PIEZO1: variants seen among roughly 807,000 people sequenced by gnomAD.
The protein encoded by PIEZO1 is piezo type mechanosensitive ion channel component 1 (Er blood group).
Under a neutral mutation model 297.2 loss-of-function variants are expected in PIEZO1, and 296 were observed. The observed-to-expected ratio is 1.00, with a 90% confidence interval of 0.91 to 1.10. The LOEUF (loss-of-function observed/expected upper bound fraction) is 1.10, where lower values mean the gene tolerates loss of function less well. PIEZO1 is among the 50% of genes least tolerant of loss of function. PIEZO1 has a pLI of 0.00. For missense variants in PIEZO1, 5,018 were observed against 3,455.5 expected (o/e 1.45, Z -11.34); for synonymous variants, 2,427 against 1,507.5 (o/e 1.61, Z -14.13).
intron 21 of PIEZO1, 47 bp from the exon 22 acceptor site, chr16:88,731,957 G>GAGGGC (rs151293846): frequency 5.2e-4 from 51 of 98,674 alleles, no homozygotes; most frequent in South Asian, 7.7e-4. Flanking sequence ...GAGTCTGGGG[G>GAGGGC]GAGGGACTTT....
intron 1 of PIEZO1, among the ~76,000 whole-genome samples, chr16:88,751,951 G>A (rs1215549167): frequency 5.3e-5 from 8 of 152,226 alleles, no homozygotes; most frequent in East Asian, 1.9e-4. Flanking sequence ...TTCGAAGCCC[G>A]TGGCAGGGCA....
intron 1 of PIEZO1, among the ~76,000 whole-genome samples, chr16:88,761,749 C>T (rs1409125502): frequency 6.6e-6 from 1 of 151,708 alleles, no homozygotes; most frequent in Non-Finnish European, 1.5e-5. Context: ...TCCCCACTGC[C>T]CTCCGCACCT....
intron 10 of PIEZO1, 30 bp from the exon 11 acceptor site, chr16:88,736,769 C>A: frequency 7.1e-7 from 1 of 1,398,748 alleles, no homozygotes; most frequent in Admixed American, 2.2e-5. Context: ...TCAGCTTCGG[C>A]AGGTTGATCT....
intron 6 of PIEZO1, 53 bp downstream of exon 6, chr16:88,738,514 AC>A (rs1306886791): frequency 2.0e-5 from 29 of 1,445,692 alleles, no homozygotes; most frequent in Non-Finnish European, 2.4e-5. Flanking sequence ...TCATCAGGGA[AC>A]TCCCAAGACC....
intron 1 of PIEZO1, among the ~76,000 whole-genome samples, chr16:88,751,926 T>C (rs1906410567): frequency 6.6e-6 from 1 of 152,074 alleles, no homozygotes; most frequent in South Asian, 2.1e-4. Context: ...GCTCAACAAG[T>C]GCACCAGGGT....
chr16:88,738,974 C>G (rs1284054327), intron 5 of PIEZO1: 1 of 577,540 alleles, frequency 1.7e-6, no homozygotes, highest in Non-Finnish European at 3.1e-6. Context: ...CAGCTCCCAC[C>G]CTGGCCGAAG....
In PIEZO1 at chr16:88,736,343, C is replaced by T; in HGVS notation, c.1362G>A (p.Trp454Ter). The T allele has an allele frequency of 6.5e-7, 1 of 1,550,122 alleles. No homozygotes were observed. Among genetic ancestry groups the T allele is most frequent in the Non-Finnish European group, 8.7e-7 (1 of 1,146,846 alleles). ...CCAGTTGGTGGCGGCTGCGCACCGT[C>T]CAGATGAGGCAGGCCCAGAGCAGCA... ...FVLLLWACLI[W>*]TVRSRHQLAM... Residue 454 changes from tryptophan (W) to a stop codon, truncating the protein, a stop_gained, in exon 12 of 51, where the codon TGG (tryptophan) becomes TGA (stop). Transcript: ENST00000301015. LOFTEE classifies it high-confidence loss of function.
In PIEZO1 at chr16:88,716,729, C is replaced by T. The variant is rs1392468668; in HGVS notation, c.6756G>A (p.Leu2252=). 6.5e-7 allele frequency: 1 copy of T among 1,548,034 alleles called. No homozygotes were observed. The highest frequency in any genetic ancestry group is 1.2e-5 in the South Asian group (1 of 84,054). The change falls in exon 47 of 51, where the codon CTG becomes CTA. Residue 2252 remains leucine (L), a splice_region_variant and synonymous_variant. Coordinates refer to ENST00000301015, the MANE Select transcript of PIEZO1 (RefSeq NM_001142864.4). ...TGTACTGGCTGATGAACTGCATGGCCAGCTGGGTACAAGTGACACCCTCAG... is the reference window on the plus strand; with the variant it reads ...TGTACTGGCTGATGAACTGCATGGCTAGCTGGGTACAAGTGACACCCTCAG... The part of the protein sequence containing the change: ...ELSRQFDPQP[L]AMQFISQYSP...
At position 88,717,193 on chromosome 16, in the gene PIEZO1, C is replaced by T. The variant is rs777580743; in HGVS notation, c.6490G>A (p.Gly2164Arg). The T allele has an allele frequency of 1.1e-4, 163 of 1,549,760 alleles. 5 individuals are homozygous for T. In the South Asian group the frequency reaches 1.9e-3, roughly 18 times the overall value. ...TTGACGATCTTCTTCTTCTTCTGCC[C>T]TTTGGGCTGCGGGTATTTCTGGAGG... ...ETEKKYPQPK[G>R]QKKKKIVKYG... The change falls in exon 45 of 51, where the codon GGG becomes AGG. Residue 2164 changes from glycine (G) to arginine (R), a missense_variant. Transcript: ENST00000301015.
intron 5 of PIEZO1, 185 bp downstream of exon 5, chr16:88,741,293 T>A (rs1041759245): frequency 1.7e-5 from 10 of 573,598 alleles, no homozygotes; most frequent in Non-Finnish European, 2.8e-5. Flanking sequence ...TAGAAACAGG[T>A]CTGAACGGAT....
At chr16:88,744,619 C>G (rs1385127510) in intron 2 of PIEZO1, among the ~76,000 whole-genome samples, 1 of 150,494 alleles carries the variant, frequency 6.6e-6, no homozygotes, top group Non-Finnish European at 1.5e-5. Flanking sequence ...GGCTACATCT[C>G]GGATGTCACT....
In PIEZO1 at chr16:88,721,550, G is replaced by T; in HGVS notation, c.5391C>A (p.Arg1797=). Reference sequence around the variant, plus strand: ...GGCTCACACTCACCAGCAGCTGGGAGCGGTGGAAGAAAAGGGCCATGAGCT... The same window carrying T: ...GGCTCACACTCACCAGCAGCTGGGATCGGTGGAAGAAAAGGGCCATGAGCT... ...LVQLMALFFH[R]SQLLCYGLWD... Residue 1797 remains arginine (R), a synonymous_variant, in exon 38 of 51, where the codon CGC becomes CGA. Transcript: ENST00000301015. 2 of 1,549,542 alleles carry T rather than the reference G, an allele frequency of 1.3e-6. No individual in the cohort carries two copies. Among genetic ancestry groups the T allele is most frequent in the Non-Finnish European group, 1.7e-6 (2 of 1,146,376 alleles).
chr16:88,772,162 G>A (rs1382490404), intron 1 of PIEZO1, among the ~76,000 whole-genome samples: 7 of 152,144 alleles, frequency 4.6e-5, no homozygotes, highest in Admixed American at 3.9e-4. Flanking sequence ...CTGAGACTCT[G>A]GGCATGGCTG....
Position 88,721,688 on chromosome 16 carries a change from G to C in PIEZO1, c.5253C>G (p.Phe1751Leu). ...GCACCACGTGGCTGTTCCAGGGGAA[G>C]AACCCAAACTGGAACAGGTACTTGA... ...VVVKYLFQFG[F>L]FPWNSHVVLR... The change falls in exon 38 of 51, where the codon TTC (phenylalanine) becomes TTG (leucine). Residue 1751 changes from phenylalanine (F) to leucine (L), a missense_variant. Phe to Leu is a conservative substitution (Grantham distance 22). Transcript: ENST00000301015. 6.5e-7 allele frequency: 1 copy of C among 1,549,518 alleles called. No homozygotes were observed. The highest frequency in any genetic ancestry group is 8.7e-7 in the Non-Finnish European group (1 of 1,146,694).
In PIEZO1 at chr16:88,735,134, C is replaced by T. The variant is rs869025600; in HGVS notation, c.1669+1G>A. 3 of 1,550,176 alleles carry T rather than the reference C, an allele frequency of 1.9e-6. No homozygotes were observed. The highest frequency in any genetic ancestry group is 2.6e-6 in the Non-Finnish European group (3 of 1,146,782). ...ACCCCCGCCTCTGGCCCACCACTCACCTGTGTCTGCCACGGTGACCTCCGT... is the reference window on the plus strand; with the variant it reads ...ACCCCCGCCTCTGGCCCACCACTCATCTGTGTCTGCCACGGTGACCTCCGT... On this transcript the variant is annotated splice_donor_variant, in intron 13 of 50. Coordinates refer to ENST00000301015, the MANE Select transcript of PIEZO1 (RefSeq NM_001142864.4). LOFTEE classifies it high-confidence loss of function.
Position 88,719,913 on chromosome 16 carries a change from C to T in PIEZO1, c.6212G>A (p.Cys2071Tyr). Reference protein sequence around the residue: ...VVAQLWYFVKCIYFALSAYQI... With the variant: ...VVAQLWYFVKYIYFALSAYQI... The stretch of plus-strand genomic sequence containing the variant: ...GTAGGCGGACAGGGCGAAGTAGATG[C>T]ACTTCACGAAGTACCAGAGCTGGGC... The change falls in exon 43 of 51, where the codon TGC (cysteine) becomes TAC (tyrosine). Residue 2071 changes from cysteine to tyrosine, a missense_variant. Transcript: ENST00000301015. 1.3e-6 allele frequency: 2 copies of T among 1,550,412 alleles called. No homozygotes were observed. The highest frequency in any genetic ancestry group is 1.7e-6 in the Non-Finnish European group (2 of 1,146,920).
chr16:88,724,023 C>T (rs1387340459), intron 30 of PIEZO1, 52 bp from the exon 31 acceptor site: 2 of 1,127,148 alleles, frequency 1.8e-6, no homozygotes, highest in African/African-American at 1.5e-5. Flanking sequence ...AGACTCCCAG[C>T]CAGACCCCCT....
At chr16:88,778,866 G>A (rs1907796316) in intron 1 of PIEZO1, among the ~76,000 whole-genome samples, 1 of 152,222 alleles carries the variant, frequency 6.6e-6, no homozygotes, top group African/African-American at 2.4e-5. Context: ...GCACAAGGCT[G>A]TGGCCCAGGG....
In PIEZO1 at chr16:88,726,851, C is replaced by A; in HGVS notation, c.3563G>T (p.Gly1188Val). Reference sequence around the variant, plus strand: ...CAGGTAGAAGCAGGCCAGCAGGTAGCCCAGCCCGAAGATGCTGATGCGGGT... The same window carrying A: ...CAGGTAGAAGCAGGCCAGCAGGTAGACCAGCCCGAAGATGCTGATGCGGGT... The part of the protein sequence containing the change: ...GATRISIFGL[G>V]YLLACFYLLL... Residue 1188 changes from glycine to valine, a missense_variant, in exon 25 of 51, where the codon GGC becomes GTC. Physicochemically the swap from Gly to Val is moderately radical, Grantham distance 109. Coordinates refer to ENST00000301015, the MANE Select transcript of PIEZO1 (RefSeq NM_001142864.4). 1 of 1,550,396 alleles carries A rather than the reference C, an allele frequency of 6.4e-7. No individual in the cohort carries two copies. Among genetic ancestry groups the A allele is most frequent in the Non-Finnish European group, 8.7e-7 (1 of 1,146,932 alleles).
Sources: allele counts gnomAD v4.1 joint callset (sites outside exome capture counted in the v4.1 genomes callset), GRCh38; gene constraint gnomAD v4.1.1; transcripts MANE v1.5; gene names NCBI Gene and HGNC (gene_info 2026-07-23, HGNC 2026-07-21).